The following MAGI1 variants were observed in gnomAD, a reference collection of about 807,000 sequenced individuals.
MAGI1 encodes the protein membrane-associated guanylate kinase, WW and PDZ domain-containing protein 1.
Under a neutral mutation model 139.9 loss-of-function variants are expected in MAGI1, and 58 were observed. The ratio of observed to expected loss-of-function variants is 0.41; its 90% CI spans 0.34 to 0.52. The LOEUF (loss-of-function observed/expected upper bound fraction) is 0.52, where lower values mean the gene tolerates loss of function less well. Among genes scored for constraint, MAGI1 ranks in the 20% least tolerant of loss-of-function variants. The pLI is 0.12. For missense variants in MAGI1, 1,874 were observed against 1,901.6 expected, an observed-to-expected ratio of 0.99 and a Z score of 0.27; for synonymous variants, 812 against 737.9, an observed-to-expected ratio of 1.10 and a Z score of -1.63.
intron 2 of MAGI1, among the ~76,000 whole-genome samples, chr3:65,495,994 T>C (rs572568170): frequency 6.6e-6 from 1 of 152,290 alleles, no homozygotes; most frequent in East Asian, 1.9e-4. Flanking sequence ...TAATGGAATG[T>C]CATCCTTAGA....
At chr3:65,936,980 G>A (rs901740462) in intron 1 of MAGI1, among the ~76,000 whole-genome samples, 1 of 151,892 alleles carries the variant, frequency 6.6e-6, no homozygotes, top group East Asian at 1.9e-4. Context: ...TGATGGTGGT[G>A]GTGGTGGTGA....
At chr3:65,650,085 G>A (rs2107305290) in intron 1 of MAGI1, among the ~76,000 whole-genome samples, 1 of 152,250 alleles carries the variant, frequency 6.6e-6, no homozygotes, top group Non-Finnish European at 1.5e-5. Context: ...GATCATGACT[G>A]GATTACTGCT....
chr3:65,832,346 A>G (rs935704975), intron 1 of MAGI1, among the ~76,000 whole-genome samples: 1 of 152,216 alleles, frequency 6.6e-6, no homozygotes, highest in African/African-American at 2.4e-5. Flanking sequence ...TCAAAACAAT[A>G]AAGACTTCCA....
In MAGI1 at chr3:65,430,853, A is replaced by G; in HGVS notation, c.1392T>C (p.Ser464=). ...QGKPFFTRNP[S]ELKGKFIHTK... ...TGTGAATGAACTTGCCTTTCAACTC[A>G]GAAGGGTTTCGTGTAAAAAAGGGTT... is the stretch of plus-strand genomic sequence containing the variant. Residue 464 remains serine (S), a synonymous_variant, in exon 11 of 23, where the codon TCT becomes TCC. Coordinates refer to ENST00000402939, the MANE Select transcript of MAGI1 (RefSeq NM_001033057.2). The G allele has an allele frequency of 6.2e-7, 1 of 1,613,640 alleles. No individual in the cohort carries two copies. Among genetic ancestry groups the G allele is most frequent in the Non-Finnish European group, 8.5e-7 (1 of 1,179,740 alleles).
intron 1 of MAGI1, among the ~76,000 whole-genome samples, chr3:65,812,468 T>TCTCACACACACACACACACACACACACA (rs1176899313): frequency 2.7e-4 from 24 of 89,078 alleles, no homozygotes; most frequent in African/African-American, 6.4e-4. Context: ...TCTCTCTCTC[T>TCTCACACACACACACACACACACACACA]CACACACACA....
chr3:65,493,560 A>G lies in MAGI1; in HGVS notation c.502T>C (p.Leu168=). 1.9e-6 allele frequency: 3 copies of G among 1,614,190 alleles called. No individual in the cohort carries two copies. Among genetic ancestry groups the G allele is most frequent in the Non-Finnish European group, 2.5e-6 (3 of 1,180,040 alleles). ...AGAGTCCCACTCTGCTCGAGGTCCA[A>G]GAACTCCTTCACAGTCAGAAAGTTA... ...DYNFLTVKEF[L]DLEQSGTLLE... is the part of the protein sequence containing the mutation. The change falls in exon 3 of 23, where the codon TTG becomes CTG. Residue 168 remains leucine, a synonymous_variant. Transcript: ENST00000402939.
At chr3:65,833,550 C>T (rs1158808358) in intron 1 of MAGI1, among the ~76,000 whole-genome samples, 3 of 152,128 alleles carry the variant, frequency 2.0e-5, no homozygotes, top group Non-Finnish European at 4.4e-5. Flanking sequence ...ACTGAATGTG[C>T]AAGTATATGT....
At chr3:65,486,318 A>G (rs1211116775) in intron 3 of MAGI1, among the ~76,000 whole-genome samples, 2 of 152,198 alleles carry the variant, frequency 1.3e-5, no homozygotes, top group African/African-American at 4.8e-5. Context: ...TGCAATGCTC[A>G]AAGTGTATAA....
chr3:65,371,590 C>A (rs907339022), intron 18 of MAGI1, among the ~76,000 whole-genome samples: 5 of 152,110 alleles, frequency 3.3e-5, no homozygotes, highest in African/African-American at 9.7e-5. Flanking sequence ...GTTTGCTCTT[C>A]CTTCAATGAA....
chr3:65,653,003 G>A (rs2085671247), intron 1 of MAGI1, among the ~76,000 whole-genome samples: 1 of 152,198 alleles, frequency 6.6e-6, no homozygotes, highest in African/African-American at 2.4e-5. Context: ...GTCATCAGAA[G>A]TCTACCAGGA....
intron 1 of MAGI1, among the ~76,000 whole-genome samples, chr3:65,708,646 G>T (rs2030814439): frequency 1.3e-5 from 2 of 152,042 alleles, no homozygotes; most frequent in South Asian, 4.2e-4. Context: ...AAAAAAGGAA[G>T]GGAGGGAAGA....
intron 1 of MAGI1, among the ~76,000 whole-genome samples, chr3:65,698,316 A>G (rs2089358357): frequency 7.0e-6 from 1 of 142,710 alleles, no homozygotes; most frequent in African/African-American, 2.7e-5. Context: ...TAACTTACAG[A>G]TTCAATGCCA....
intron 1 of MAGI1, among the ~76,000 whole-genome samples, chr3:65,710,461 G>C (rs1164958837): frequency 2.6e-5 from 4 of 151,672 alleles, no homozygotes; most frequent in Non-Finnish European, 5.9e-5. Flanking sequence ...TGTATTTTTA[G>C]TAGAGATGGG....
At chr3:65,992,311 T>C (rs1017012174) in intron 1 of MAGI1, among the ~76,000 whole-genome samples, 1 of 152,190 alleles carries the variant, frequency 6.6e-6, no homozygotes, top group African/African-American at 2.4e-5. Context: ...CTCACCTATA[T>C]CTTGACAAAG....
intron 1 of MAGI1, among the ~76,000 whole-genome samples, chr3:65,807,613 A>G (rs1004324670): frequency 3.9e-5 from 6 of 152,178 alleles, no homozygotes; most frequent in African/African-American, 1.4e-4. Context: ...TCTCCACCAC[A>G]CAGAGAATTA....
intron 22 of MAGI1, chr3:65,359,595 C>G (rs1940588208): frequency 1.0e-6 from 1 of 996,380 alleles, no homozygotes; most frequent in African/African-American, 1.7e-5. Context: ...GAAGCAGGTT[C>G]CAATCAAGTC....
chr3:65,500,641 T>C (rs2077044352), intron 2 of MAGI1, among the ~76,000 whole-genome samples: 1 of 152,202 alleles, frequency 6.6e-6, no homozygotes, highest in Non-Finnish European at 1.5e-5. Context: ...ACTGGTGAAA[T>C]TCTGATAAGC....
At chr3:65,809,649 T>C (rs1303942650) in intron 1 of MAGI1, among the ~76,000 whole-genome samples, 1 of 152,222 alleles carries the variant, frequency 6.6e-6, no homozygotes, top group Non-Finnish European at 1.5e-5. Flanking sequence ...TCTCATTTAC[T>C]GGCCTAGTGA....
intron 2 of MAGI1, among the ~76,000 whole-genome samples, chr3:65,501,100 A>G (rs2077062129): frequency 6.6e-6 from 1 of 152,176 alleles, no homozygotes; most frequent in Admixed American, 6.5e-5. Flanking sequence ...AATTTACTTG[A>G]TATCTATCCC....
Sources: gnomAD v4.1 joint callset for allele counts (sites outside exome capture counted in the v4.1 genomes callset) on GRCh38, gnomAD v4.1.1 for gene constraint, MANE v1.5 for transcripts, NCBI Gene and HGNC (gene_info 2026-07-23, HGNC 2026-07-21) for gene names.